The following PAXBP1 variants were observed in gnomAD, a reference collection of about 807,000 sequenced individuals.
The protein encoded by PAXBP1 is PAX3- and PAX7-binding protein 1.
Under a neutral mutation model 119.9 loss-of-function variants are expected in PAXBP1, and 44 were observed. The observed-to-expected ratio is 0.37, with a 90% CI of 0.29 to 0.47. The LOEUF is 0.47. PAXBP1 is among the 20% of genes least tolerant of loss of function. PAXBP1 has a pLI of 0.99. For missense variants in PAXBP1, 898 were observed against 1,134.1 expected (o/e 0.79, Z 2.99); for synonymous variants, 393 against 406.6 (o/e 0.97, Z 0.40).
chr21:32,770,397 G>A (rs1042162600), intron 1 of PAXBP1, among the ~76,000 whole-genome samples: 4 of 151,978 alleles, frequency 2.6e-5, no homozygotes, highest in Non-Finnish European at 5.9e-5. Context: ...TCTTTGATTT[G>A]AAATTTTAAA....
At chr21:32,741,361 A>C (rs1364241454) in intron 15 of PAXBP1, 1 of 495,708 alleles carries the variant, frequency 2.0e-6, no homozygotes, top group Non-Finnish European at 3.6e-6. Context: ...AAGGCATATA[A>C]ATTTATTTGA....
intron 15 of PAXBP1, chr21:32,741,432 G>A: frequency 1.8e-6 from 1 of 558,266 alleles, no homozygotes; most frequent in East Asian, 2.9e-5. Context: ...AGGAGAAATT[G>A]TCTACTATGT....
Position 32,744,921 on chromosome 21 carries a change from GAA to G in PAXBP1, c.2069-10_2069-9del, listed in dbSNP as rs1308442171. ...ACATATTTTCAGCTATCACTATTAA[GAA>G]AAAAAGAGGATTGAGACACAGAAGC... On this transcript the variant is annotated splice_polypyrimidine_tract_variant and intron_variant, in intron 12 of 17. Coordinates refer to ENST00000331923, the MANE Select transcript of PAXBP1 (RefSeq NM_016631.4). The G allele has an allele frequency of 6.3e-7, 1 of 1,591,992 alleles. No individual in the cohort carries two copies. The highest frequency in any genetic ancestry group is 1.4e-5 in the African/African-American group (1 of 73,056).
intron 15 of PAXBP1, among the ~76,000 whole-genome samples, chr21:32,738,652 G>C (rs1366248982): frequency 6.6e-6 from 1 of 152,064 alleles, no homozygotes. Context: ...ACTCTAGCTG[G>C]TTCTATGCAC....
At chr21:32,754,068 T>C (rs2044004931) in intron 8 of PAXBP1, among the ~76,000 whole-genome samples, 1 of 152,138 alleles carries the variant, frequency 6.6e-6, no homozygotes, top group Non-Finnish European at 1.5e-5. Context: ...TCATAGCCAT[T>C]TATAGGGCTC....
At chr21:32,762,668 C>T (rs1474298886) in intron 3 of PAXBP1, among the ~76,000 whole-genome samples, 1 of 151,716 alleles carries the variant, frequency 6.6e-6, no homozygotes, top group African/African-American at 2.4e-5. Context: ...CCTGTAATCC[C>T]AGCACTTTGG....
At chr21:32,750,807 G>A (rs2043946107) in intron 10 of PAXBP1, 110 bp downstream of exon 10, 1 of 763,118 alleles carries the variant, frequency 1.3e-6, no homozygotes, top group Non-Finnish European at 2.1e-6. Flanking sequence ...AAAAAGAAGT[G>A]TCTGGTTCTA....
intron 15 of PAXBP1, among the ~76,000 whole-genome samples, chr21:32,739,678 G>A (rs1044757865): frequency 4.0e-5 from 6 of 151,460 alleles, no homozygotes; most frequent in East Asian, 1.9e-4. Flanking sequence ...AGGCTGAGGC[G>A]GGCAGATCAC....
chr21:32,743,277 A>C lies in PAXBP1; in HGVS notation c.2305T>G (p.Phe769Val). Residue 769 changes from phenylalanine (F) to valine (V), a missense_variant, in exon 15 of 18, where the codon TTT becomes GTT. By Grantham distance (50) the Phe-to-Val change is conservative (BLOSUM62 -1). Coordinates refer to ENST00000331923, the MANE Select transcript of PAXBP1 (RefSeq NM_016631.4). ...ENKNSGPYLFFQRQFWSSVKL... is the reference protein window; with the variant it reads ...ENKNSGPYLFVQRQFWSSVKL... ...ACTGAAGACCAAAACTGTCGTTGAA[A>C]AAACAAGTAAGGCCCAGAATTTTTA... is the stretch of plus-strand genomic sequence containing the variant. 1 of 1,577,908 alleles carries C rather than the reference A, an allele frequency of 6.3e-7. No individual in the cohort carries two copies. Among genetic ancestry groups the C allele is most frequent in the South Asian group, 1.2e-5 (1 of 84,026 alleles).
chr21:32,740,251 A>C (rs1330723409), intron 15 of PAXBP1, among the ~76,000 whole-genome samples: 1 of 152,204 alleles, frequency 6.6e-6, no homozygotes, highest in Non-Finnish European at 1.5e-5. Context: ...GGAAGTCCCC[A>C]ATGGGGGGGC....
At chr21:32,739,094 C>T (rs2043734929) in intron 15 of PAXBP1, among the ~76,000 whole-genome samples, 1 of 152,232 alleles carries the variant, frequency 6.6e-6, no homozygotes, top group Non-Finnish European at 1.5e-5. Flanking sequence ...AGTAGCCTTT[C>T]TGAAGCAGGG....
intron 4 of PAXBP1, among the ~76,000 whole-genome samples, 199 bp downstream of exon 4, chr21:32,761,897 G>A (rs1348210497): frequency 6.6e-6 from 1 of 152,158 alleles, no homozygotes; most frequent in Non-Finnish European, 1.5e-5. Flanking sequence ...AATTAGCCAG[G>A]TGTGGTGACG....
chr21:32,765,564 C>G (rs2044226976), intron 2 of PAXBP1, among the ~76,000 whole-genome samples: 1 of 152,150 alleles, frequency 6.6e-6, no homozygotes, highest in African/African-American at 2.4e-5. Context: ...TAGAATGTTC[C>G]TGTCCCCAAA....
chr21:32,771,528 G>C lies in PAXBP1; in HGVS notation c.141C>G (p.Gly47=). ...GTGEEAGPGG[G]DRAPGGESLL... is the part of the protein sequence containing the mutation. Reference sequence around the variant, plus strand: ...GCGACTCCCCGCCAGGGGCCCTGTCGCCGCCACCGGGGCCCGCCTCTTCGC... The same window carrying C: ...GCGACTCCCCGCCAGGGGCCCTGTCCCCGCCACCGGGGCCCGCCTCTTCGC... The change falls in exon 1 of 18, where the codon GGC becomes GGG. Residue 47 remains glycine, a synonymous_variant. Transcript: ENST00000331923. 7.4e-7 allele frequency: 1 copy of C among 1,345,472 alleles called. No homozygotes were observed. Among genetic ancestry groups the C allele is most frequent in the Non-Finnish European group, 9.5e-7 (1 of 1,054,772 alleles). The allele number at this position is 1,345,472 out of a possible 1,614,324, so 83.3% of individuals were successfully genotyped here.
At position 32,751,123 on chromosome 21, in the gene PAXBP1, T is replaced by C; in HGVS notation, c.1603A>G (p.Arg535Gly). Residue 535 changes from arginine to glycine, a missense_variant, in exon 9 of 18, where the codon AGG becomes GGG. By Grantham distance (125) the Arg-to-Gly change is moderately radical. Coordinates refer to ENST00000331923, the MANE Select transcript of PAXBP1 (RefSeq NM_016631.4). ...AKRRIAEREA[R>G]RTRRRQAREQ... is the part of the protein sequence containing the mutation. ...AGCAAGGGTTTTGAGAATTACCTCCTGGCCTCCCGCTCTGCAATGCGACGT... is the reference window on the plus strand; with the variant it reads ...AGCAAGGGTTTTGAGAATTACCTCCCGGCCTCCCGCTCTGCAATGCGACGT... The C allele has an allele frequency of 1.2e-6, 2 of 1,613,760 alleles. No homozygotes were observed. The highest frequency in any genetic ancestry group is 8.5e-7 in the Non-Finnish European group (1 of 1,179,636).
At chr21:32,753,778 T>C (rs2044000160) in intron 8 of PAXBP1, among the ~76,000 whole-genome samples, 2 of 152,314 alleles carry the variant, frequency 1.3e-5, no homozygotes, top group African/African-American at 4.8e-5. Flanking sequence ...CAAACTAATA[T>C]AAATAATTCA....
At chr21:32,757,821 G>A (rs1383619696) in intron 7 of PAXBP1, among the ~76,000 whole-genome samples, 1 of 152,226 alleles carries the variant, frequency 6.6e-6, no homozygotes, top group Non-Finnish European at 1.5e-5. Flanking sequence ...GAAGAGTTTT[G>A]CCAGTAGGAA....
At chr21:32,742,687 A>G (rs957640888) in intron 15 of PAXBP1, 10 of 210,928 alleles carry the variant, frequency 4.7e-5, no homozygotes, top group African/African-American at 2.1e-4. Flanking sequence ...AGTATCTGCT[A>G]CAGCAGTACT....
At chr21:32,752,922 C>T (rs900455958) in intron 8 of PAXBP1, among the ~76,000 whole-genome samples, 5 of 152,032 alleles carry the variant, frequency 3.3e-5, no homozygotes, top group Non-Finnish European at 5.9e-5. Context: ...CCAGACCCTA[C>T]TATTTTTAAA....
Sources: allele counts gnomAD v4.1 joint callset (sites outside exome capture counted in the v4.1 genomes callset), GRCh38; gene constraint gnomAD v4.1.1; transcripts MANE v1.5; gene names NCBI Gene and HGNC (gene_info 2026-07-23, HGNC 2026-07-21).